SGTB: variants seen among roughly 807,000 people sequenced by gnomAD.
SGTB encodes small glutamine rich tetratricopeptide repeat co-chaperone beta.
Under a neutral mutation model 43.9 loss-of-function variants are expected in SGTB, and 19 were observed. The ratio of observed to expected loss-of-function variants is 0.43; its 90% confidence interval spans 0.30 to 0.63. The LOEUF is 0.63. Among genes scored for constraint, SGTB ranks in the 30% least tolerant of loss-of-function variants. SGTB has a pLI of 0.12. For synonymous variants in SGTB, 116 were observed against 117.3 expected, an observed-to-expected ratio of 0.99 and a Z score of 0.07; for missense variants, 304 against 358.9, an observed-to-expected ratio of 0.85 and a Z score of 1.24.
At chr5:65,707,333 C>T (rs1179305779) in intron 4 of SGTB, among the ~76,000 whole-genome samples, 2 of 151,384 alleles carry the variant, frequency 1.3e-5, no homozygotes, top group African/African-American at 4.9e-5. Context: ...AATGACCATG[C>T]CCAAGGAATA....
At chr5:65,719,654 C>A (rs748603499) in intron 2 of SGTB, among the ~76,000 whole-genome samples, 1 of 152,078 alleles carries the variant, frequency 6.6e-6, no homozygotes, top group Non-Finnish European at 1.5e-5. Context: ...ATTCACTGAA[C>A]CTCCACAAGC....
chr5:65,676,772 T>G (rs1192920337), intron 8 of SGTB, among the ~76,000 whole-genome samples: 3 of 152,120 alleles, frequency 2.0e-5, no homozygotes, highest in African/African-American at 7.2e-5. Flanking sequence ...CTTCTTTGAA[T>G]GAGAACAAAG....
chr5:65,678,351 C>T (rs915908687), intron 8 of SGTB, among the ~76,000 whole-genome samples: 1 of 152,026 alleles, frequency 6.6e-6, no homozygotes, highest in African/African-American at 2.4e-5. Context: ...TAAGAGAGAA[C>T]AGAAACAAGT....
chr5:65,711,086 A>G (rs1428327472), intron 3 of SGTB, among the ~76,000 whole-genome samples: 2 of 151,870 alleles, frequency 1.3e-5, no homozygotes, highest in African/African-American at 4.8e-5. Context: ...AATCGCTTGA[A>G]CCCAGGAGGC....
intron 2 of SGTB, among the ~76,000 whole-genome samples, chr5:65,715,916 T>C (rs1017607068): frequency 3.3e-5 from 5 of 152,192 alleles, no homozygotes; most frequent in Non-Finnish European, 5.9e-5. Context: ...ATTACAGACG[T>C]GTGCCACCAC....
At chr5:65,696,249 TC>T (rs1429140840) in intron 5 of SGTB, among the ~76,000 whole-genome samples, 1 of 152,134 alleles carries the variant, frequency 6.6e-6, no homozygotes, top group Non-Finnish European at 1.5e-5. Context: ...CCTTCCAAAT[TC>T]CCTGCATCAT....
intron 2 of SGTB, among the ~76,000 whole-genome samples, chr5:65,716,512 T>C (rs796879753): frequency 2.0e-5 from 3 of 152,316 alleles, no homozygotes; most frequent in Admixed American, 6.5e-5. Context: ...ATGTCAAATC[T>C]AGACATATTT....
chr5:65,675,841 A>T (rs1457026677), intron 8 of SGTB, among the ~76,000 whole-genome samples: 1 of 152,226 alleles, frequency 6.6e-6, no homozygotes, highest in Admixed American at 6.5e-5. Flanking sequence ...TCCTGAAGGA[A>T]GCACTAAATA....
chr5:65,701,459 G>A (rs1212149696), intron 5 of SGTB, among the ~76,000 whole-genome samples: 3 of 151,980 alleles, frequency 2.0e-5, no homozygotes, highest in Admixed American at 6.6e-5. Flanking sequence ...AAAAGCACTG[G>A]AATAAAATTC....
chr5:65,690,046 T>A (rs1417737775), intron 5 of SGTB, among the ~76,000 whole-genome samples: 1 of 144,062 alleles, frequency 6.9e-6, no homozygotes, highest in South Asian at 2.2e-4. Flanking sequence ...AGAAGAGATA[T>A]AGGATGTGTA....
chr5:65,671,881 C>T, intron 10 of SGTB, 34 bp downstream of exon 10: 4 of 1,586,772 alleles, frequency 2.5e-6, no homozygotes, highest in Non-Finnish European at 3.5e-6. Flanking sequence ...ACATAAAATA[C>T]ATCTTCACTA....
chr5:65,720,809 T>G lies in SGTB; in HGVS notation c.-2A>C, dbSNP rs1370831543. On this transcript the variant is annotated 5_prime_UTR_variant, in exon 2 of 11. Coordinates refer to ENST00000381007, the MANE Select transcript of SGTB (RefSeq NM_019072.3). ...AACCAGGTGCTTGATAGATGACATT[T>G]TAGAAGCTTAAACACTTTTCCTTGA... 4 of 1,610,302 alleles carry G rather than the reference T, an allele frequency of 2.5e-6. No individual in the cohort carries two copies. The South Asian group carries it at 3.3e-5, about 13-fold the overall frequency.
rs562243024 is a variant in SGTB, at chr5:65,720,564, G to A, written c.100+144C>T. The A allele has an allele frequency of 1.9e-5, 16 of 823,924 alleles. No individual in the cohort carries two copies. The East Asian group carries it at 3.8e-4, about 19-fold the overall frequency. 51.0% of individuals were successfully genotyped at this position (823,924 alleles called of 1,614,324 possible). A position where few individuals can be genotyped will look rare whatever the true frequency, so the allele number is the denominator to read the frequency against. ...AACAAGCTTCAGAAAATGGAAATAC[G>A]ATAACCTTATAGTCAGGCCTCTCCT... On this transcript the variant is annotated intron_variant, in intron 2 of 10. Transcript: ENST00000381007.
intron 5 of SGTB, among the ~76,000 whole-genome samples, chr5:65,693,951 A>T (rs1482345899): frequency 1.3e-5 from 2 of 152,234 alleles, no homozygotes; most frequent in African/African-American, 4.8e-5. Flanking sequence ...ACATGTGACT[A>T]ATGAGCATTT....
At position 65,666,404 on chromosome 5, in the gene SGTB, A is replaced by G. The variant is rs962027303; in HGVS notation, c.*3842T>C. 1.1e-4 allele frequency: 17 copies of G among 151,398 alleles called. No individual in the cohort carries two copies. Among genetic ancestry groups the G allele is most frequent in the Non-Finnish European group, 2.9e-5 (2 of 68,012 alleles). The allele number at this position is 151,398 out of a possible 1,614,324, so 9.4% of individuals were successfully genotyped here. On this transcript the variant is annotated 3_prime_UTR_variant, in exon 11 of 11. Coordinates refer to ENST00000381007, the MANE Select transcript of SGTB (RefSeq NM_019072.3). ...TACATTAAATGAAAATGTCATTTGC[A>G]TATATAGAACCTGTTCTGTTTTACA...
intron 5 of SGTB, among the ~76,000 whole-genome samples, chr5:65,703,851 C>CCTGGCTA (rs1757869034): frequency 6.6e-6 from 1 of 152,026 alleles, no homozygotes; most frequent in South Asian, 2.1e-4. Flanking sequence ...TCCTGGCTAA[C>CCTGGCTA]ACGGTGAAAC....
upstream of SGTB, chr5:65,722,227 CACG>C: frequency 2.3e-6 from 1 of 432,066 alleles, no homozygotes. Flanking sequence ...GGAGCTGCCG[CACG>C]TGGGAGGGCG....
At chr5:65,683,051 T>A (rs533797337) in intron 6 of SGTB, among the ~76,000 whole-genome samples, 1 of 152,050 alleles carries the variant, frequency 6.6e-6, no homozygotes, top group South Asian at 2.1e-4. Context: ...ATTGAACTCA[T>A]AGCCAACGGC....
rs1203060590 is a variant in SGTB, at chr5:65,666,032, G to A, written c.*4214C>T. The A allele has an allele frequency of 1.3e-5, 2 of 152,634 alleles. No individual in the cohort carries two copies. The highest frequency in any genetic ancestry group is 3.4e-3 in the Middle Eastern group (1 of 292). The allele number at this position is 152,634 out of a possible 1,614,324, so 9.5% of individuals were successfully genotyped here. ...ACCTCAAAATTGAGTAATAATTAAT[G>A]AAATGTCTGTACAAAATAAAGTGCA... is the stretch of plus-strand genomic sequence containing the variant. On this transcript the variant is annotated 3_prime_UTR_variant, in exon 11 of 11. Coordinates refer to ENST00000381007, the MANE Select transcript of SGTB (RefSeq NM_019072.3).
Sources: allele counts gnomAD v4.1 joint callset (sites outside exome capture counted in the v4.1 genomes callset), GRCh38; gene constraint gnomAD v4.1.1; transcripts MANE v1.5; gene names NCBI Gene and HGNC (gene_info 2026-07-23, HGNC 2026-07-21).